ANO10: variants seen among roughly 807,000 people sequenced by gnomAD.
ANO10 encodes the protein anoctamin-10.
In ANO10, 77 loss-of-function variants were observed where a neutral mutation model predicts 74.7. The observed-to-expected ratio is 1.03, with a 90% CI of 0.86 to 1.25. The LOEUF is 1.25. ANO10 is among the 50% of genes most tolerant of loss of function. ANO10 has a pLI of 0.00. For synonymous variants in ANO10, 279 were observed against 284.9 expected (o/e 0.98, Z 0.21); for missense variants, 721 against 778.1 (o/e 0.93, Z 0.87).
intron 9 of ANO10, among the ~76,000 whole-genome samples, chr3:43,560,661 G>C (rs190814853): frequency 8.3e-4 from 126 of 152,328 alleles, no homozygotes; most frequent in African/African-American, 2.8e-3. Flanking sequence ...GATTTTATGA[G>C]CTAGACCTTT....
intron 11 of ANO10, among the ~76,000 whole-genome samples, chr3:43,466,384 A>ACAAAC (rs1553677035): frequency 5.3e-5 from 2 of 37,998 alleles, no homozygotes; most frequent in Non-Finnish European, 9.6e-5. Flanking sequence ...AAAAAAAAAA[A>ACAAAC]AAACAAACAA....
At chr3:43,400,340 C>T (rs1186203612) in intron 12 of ANO10, among the ~76,000 whole-genome samples, 1 of 151,740 alleles carries the variant, frequency 6.6e-6, no homozygotes, top group Non-Finnish European at 1.5e-5. Flanking sequence ...GAATGCAGAA[C>T]TAGACAAATC....
intron 11 of ANO10, among the ~76,000 whole-genome samples, chr3:43,525,690 CTCTT>C (rs1559649244): frequency 2.0e-5 from 3 of 152,204 alleles, no homozygotes; most frequent in Non-Finnish European, 4.4e-5. Context: ...CTCTTCTTTC[CTCTT>C]TCTAAGTTCC....
At chr3:43,410,789 G>A (rs2092652453) in intron 12 of ANO10, among the ~76,000 whole-genome samples, 1 of 152,082 alleles carries the variant, frequency 6.6e-6, no homozygotes, top group South Asian at 2.1e-4. Flanking sequence ...GAAAATCCAT[G>A]CTAGCTCAAG....
intron 11 of ANO10, among the ~76,000 whole-genome samples, chr3:43,491,557 C>A (rs1030113600): frequency 6.6e-6 from 1 of 152,056 alleles, no homozygotes; most frequent in African/African-American, 2.4e-5. Flanking sequence ...GGTCAAACTG[C>A]ACACTCCATC....
chr3:43,645,075 T>C (rs2083712135), intron 1 of ANO10, among the ~76,000 whole-genome samples: 1 of 152,170 alleles, frequency 6.6e-6, no homozygotes, highest in South Asian at 2.1e-4. Context: ...ACAAAGCCAA[T>C]AAACAGTCAA....
chr3:43,592,021 G>A (rs902075451), intron 4 of ANO10, among the ~76,000 whole-genome samples: 9 of 152,314 alleles, frequency 5.9e-5, no homozygotes, highest in Admixed American at 2.0e-4. Context: ...GTCTGAGATC[G>A]AACTGCAAGG....
intron 10 of ANO10, among the ~76,000 whole-genome samples, chr3:43,554,286 C>T (rs1455987995): frequency 2.6e-5 from 4 of 151,006 alleles, no homozygotes; most frequent in African/African-American, 4.9e-5. Flanking sequence ...CTCTGCCTCT[C>T]GGCTTCAAGT....
chr3:43,448,371 C>T (rs908693918), intron 11 of ANO10, among the ~76,000 whole-genome samples: 3 of 152,174 alleles, frequency 2.0e-5, no homozygotes, highest in African/African-American at 4.8e-5. Flanking sequence ...CCTCAACTCC[C>T]AGCTGCCACT....
chr3:43,683,459 G>C (rs1023860856), intron 1 of ANO10, among the ~76,000 whole-genome samples: 3 of 152,184 alleles, frequency 2.0e-5, no homozygotes, highest in Non-Finnish European at 2.9e-5. Flanking sequence ...AACATTCCAT[G>C]CTCATGGCTA....
intron 11 of ANO10, among the ~76,000 whole-genome samples, chr3:43,491,695 C>T (rs1244045033): frequency 6.6e-6 from 1 of 152,082 alleles, no homozygotes; most frequent in Non-Finnish European, 1.5e-5. Flanking sequence ...TCTGCCTTAC[C>T]CCTTGGTCAA....
intron 1 of ANO10, among the ~76,000 whole-genome samples, chr3:43,679,717 G>A (rs112156748): frequency 3.3e-5 from 5 of 152,102 alleles, no homozygotes; most frequent in South Asian, 4.1e-4. Context: ...CACTTCACAC[G>A]GCCGGGTACT....
At chr3:43,478,259 T>C (rs561541708) in intron 11 of ANO10, among the ~76,000 whole-genome samples, 1 of 152,272 alleles carries the variant, frequency 6.6e-6, no homozygotes, top group South Asian at 2.1e-4. Flanking sequence ...CTTGTCAAAG[T>C]TGCCTCTTCT....
At chr3:43,672,652 C>G (rs924239863) in intron 1 of ANO10, among the ~76,000 whole-genome samples, 5 of 152,152 alleles carry the variant, frequency 3.3e-5, no homozygotes, top group African/African-American at 7.2e-5. Context: ...AAACGTGTAT[C>G]CCCATCTGTG....
intron 1 of ANO10, among the ~76,000 whole-genome samples, chr3:43,676,384 T>C (rs1020999206): frequency 1.3e-5 from 2 of 151,932 alleles, no homozygotes; most frequent in Non-Finnish European, 2.9e-5. Context: ...TGTTTAAGCA[T>C]AGATGATCAA....
At chr3:43,685,815 T>A (rs902634292) in intron 1 of ANO10, among the ~76,000 whole-genome samples, 9 of 152,248 alleles carry the variant, frequency 5.9e-5, no homozygotes, top group African/African-American at 2.2e-4. Context: ...TTCTATTTTT[T>A]AAAATATATT....
chr3:43,436,852 C>T lies in ANO10; in HGVS notation c.1798-4125G>A, dbSNP rs193046344. 8.0e-4 allele frequency among the ~76,000 whole-genome samples: 122 copies of T among 152,228 alleles called. 2 individuals carry two copies. Among genetic ancestry groups the T allele is most frequent in the Non-Finnish European group, 1.6e-3 (106 of 68,014 alleles). On this transcript the variant is annotated intron_variant, in intron 11 of 12. Transcript: ENST00000292246. ...TGTTTTGTAGTAATATGTCCCCAACCCTGTCTCTAATGAAACAGAAAATGC... is the reference window on the plus strand; with the variant it reads ...TGTTTTGTAGTAATATGTCCCCAACTCTGTCTCTAATGAAACAGAAAATGC...
At chr3:43,676,274 C>A (rs765101122) in intron 1 of ANO10, among the ~76,000 whole-genome samples, 4 of 150,462 alleles carry the variant, frequency 2.7e-5, no homozygotes, top group Non-Finnish European at 4.4e-5. Context: ...GCCTGGACAA[C>A]AAAGTGAGAC....
At chr3:43,639,220 C>G (rs1358036349) in intron 1 of ANO10, 4 of 152,464 alleles carry the variant, frequency 2.6e-5, no homozygotes, top group Non-Finnish European at 1.5e-5. Context: ...AGGTCCAGCC[C>G]ACATTCCAGG....
Sources: gnomAD v4.1 joint callset for allele counts (sites outside exome capture counted in the v4.1 genomes callset) on GRCh38, gnomAD v4.1.1 for gene constraint, MANE v1.5 for transcripts, NCBI Gene and HGNC (gene_info 2026-07-23, HGNC 2026-07-21) for gene names.